The following CTNNA2 variants were observed in gnomAD, a reference collection of about 807,000 sequenced individuals.
CTNNA2 encodes catenin alpha-2.
A neutral mutation model predicts 101.0 loss-of-function variants in CTNNA2; 42 were observed. The observed-to-expected ratio is 0.42, with a 90% CI of 0.32 to 0.54. The LOEUF (loss-of-function observed/expected upper bound fraction) is 0.54, where lower values mean the gene tolerates loss of function less well. Among genes scored for constraint, CTNNA2 ranks in the 20% least tolerant of loss-of-function variants. CTNNA2 has a pLI of 0.14. For synonymous variants in CTNNA2, 450 were observed against 456.4 expected (o/e 0.99, Z 0.18); for missense variants, 871 against 1,223.1 (o/e 0.71, Z 4.29).
chr2:79,855,563 G>A (rs1014163730), intron 3 of CTNNA2, among the ~76,000 whole-genome samples: 4 of 152,132 alleles, frequency 2.6e-5, no homozygotes, highest in Non-Finnish European at 2.9e-5. Flanking sequence ...GATTAGGCAT[G>A]GTTCTTCAAG....
chr2:80,289,166 G>A (rs571252287), intron 7 of CTNNA2: 2 of 152,250 alleles, frequency 1.3e-5, no homozygotes, highest in East Asian at 3.9e-4. Flanking sequence ...CTCAGAGAAG[G>A]AGGACTGGGG....
At chr2:79,697,640 C>T (rs1684729741) in intron 2 of CTNNA2, among the ~76,000 whole-genome samples, 1 of 152,050 alleles carries the variant, frequency 6.6e-6, no homozygotes, top group South Asian at 2.1e-4. Flanking sequence ...GCCTCATTCT[C>T]AAACACATCT....
chr2:80,279,719 T>C (rs1424337799), intron 7 of CTNNA2, among the ~76,000 whole-genome samples: 1 of 152,104 alleles, frequency 6.6e-6, no homozygotes, highest in Non-Finnish European at 1.5e-5. Context: ...TGGTATTACA[T>C]AGAAAGCCTT....
intron 4 of CTNNA2, among the ~76,000 whole-genome samples, chr2:79,445,694 C>G (rs1194967854): frequency 6.6e-6 from 1 of 152,040 alleles, no homozygotes; most frequent in Non-Finnish European, 1.5e-5. Flanking sequence ...TGCTCGTATC[C>G]AGAGTAGCCT....
intron 2 of CTNNA2, among the ~76,000 whole-genome samples, chr2:79,300,729 T>C (rs1260257206): frequency 1.3e-5 from 2 of 152,226 alleles, no homozygotes; most frequent in East Asian, 3.9e-4. Flanking sequence ...ATTTCTCCAC[T>C]AACCACTGTG....
intron 7 of CTNNA2, among the ~76,000 whole-genome samples, chr2:80,173,637 A>G (rs1281547038): frequency 6.6e-6 from 1 of 152,166 alleles, no homozygotes; most frequent in African/African-American, 2.4e-5. Flanking sequence ...AACACGTTTT[A>G]TGGGTTGGCC....
chr2:79,473,958 T>G (rs1172378663), intron 4 of CTNNA2, among the ~76,000 whole-genome samples: 1 of 152,198 alleles, frequency 6.6e-6, no homozygotes, highest in African/African-American at 2.4e-5. Context: ...ATGTGGCTGT[T>G]GAACACTTGA....
At chr2:79,413,174 G>A (rs1349506179) in intron 4 of CTNNA2, among the ~76,000 whole-genome samples, 1 of 151,866 alleles carries the variant, frequency 6.6e-6, no homozygotes, top group Non-Finnish European at 1.5e-5. Context: ...TTTTGCAGGG[G>A]TGGCTGGGGA....
At chr2:80,187,509 A>G (rs1218969860) in intron 7 of CTNNA2, among the ~76,000 whole-genome samples, 5 of 152,228 alleles carry the variant, frequency 3.3e-5, no homozygotes, top group Non-Finnish European at 2.9e-5. Flanking sequence ...CGGCTATTCT[A>G]AATAGGGCCT....
chr2:79,995,854 C>T (rs569455933), intron 7 of CTNNA2, among the ~76,000 whole-genome samples: 9 of 152,132 alleles, frequency 5.9e-5, no homozygotes, highest in African/African-American at 2.2e-4. Flanking sequence ...GTTCTGTATT[C>T]GAACATGGAT....
chr2:79,736,895 A>G (rs946443441), intron 2 of CTNNA2, among the ~76,000 whole-genome samples: 2 of 152,178 alleles, frequency 1.3e-5, no homozygotes, highest in Non-Finnish European at 2.9e-5. Context: ...CAATTTCACC[A>G]TGTTTATATA....
At chr2:80,120,456 T>C (rs946930963) in intron 7 of CTNNA2, among the ~76,000 whole-genome samples, 7 of 152,182 alleles carry the variant, frequency 4.6e-5, no homozygotes, top group Non-Finnish European at 8.8e-5. Flanking sequence ...GATCCTCCTT[T>C]TTCCTTTTAG....
chr2:79,865,158 T>C (rs1681941325), intron 4 of CTNNA2, among the ~76,000 whole-genome samples: 1 of 152,222 alleles, frequency 6.6e-6, no homozygotes, highest in African/African-American at 2.4e-5. Flanking sequence ...ATTCTTTGCT[T>C]CTGATGAAAT....
intron 7 of CTNNA2, among the ~76,000 whole-genome samples, chr2:80,075,888 A>C (rs1698714305): frequency 6.6e-6 from 1 of 151,300 alleles, no homozygotes; most frequent in Admixed American, 6.6e-5. Context: ...AATAGACTTC[A>C]TTGACTATGA....
chr2:79,324,858 T>G (rs1471635704), intron 3 of CTNNA2, among the ~76,000 whole-genome samples: 1 of 152,130 alleles, frequency 6.6e-6, no homozygotes, highest in East Asian at 1.9e-4. Flanking sequence ...GGAGGCAGCA[T>G]GAAGCAAAAC....
At chr2:80,492,516 C>T (rs1244818643) in intron 9 of CTNNA2, among the ~76,000 whole-genome samples, 1 of 152,194 alleles carries the variant, frequency 6.6e-6, no homozygotes, top group Non-Finnish European at 1.5e-5. Flanking sequence ...CTCGAAATGG[C>T]TTTCTGAAAC....
intron 7 of CTNNA2, among the ~76,000 whole-genome samples, chr2:80,219,421 TTC>T: frequency 6.6e-6 from 1 of 152,348 alleles, no homozygotes; most frequent in Middle Eastern, 3.4e-3. Context: ...TTAAAATAAT[TTC>T]TTTTATATAT....
intron 1 of CTNNA2, among the ~76,000 whole-genome samples, chr2:79,643,175 GCAAGGCTCCGT>G (rs1680573729): frequency 2.0e-5 from 3 of 151,994 alleles, no homozygotes; most frequent in Middle Eastern, 6.4e-3. Context: ...TGGCAACAGA[GCAAGGCTCCGT>G]CTCAAAAAAA....
Position 80,555,701 on chromosome 2 carries a change from A to G in CTNNA2, c.1549A>G (p.Ile517Val). 1.3e-6 allele frequency: 2 copies of G among 1,523,112 alleles called. No homozygotes were observed. The highest frequency in any genetic ancestry group is 1.4e-5 in the African/African-American group (1 of 72,090). The allele number at this position is 1,523,112 out of a possible 1,614,324, so 94.3% of individuals were successfully genotyped here. A position where few individuals can be genotyped will look rare whatever the true frequency, so the allele number is the denominator to read the frequency against. Residue 517 changes from isoleucine to valine, a missense_variant, in exon 12 of 19, where the codon ATC (isoleucine) becomes GTC (valine). Around this residue, in one of 5 missense-constraint regions of CTNNA2, gnomAD observed 647 missense variants for 831.5 expected, o/e 0.78. Coordinates refer to ENST00000402739, the MANE Select transcript of CTNNA2 (RefSeq NM_001282597.3). ...ATGTGTCCTCTCCATAGAAAATCACATCTTGGAGGATGTGAACAAGTGTGT... is the reference window on the plus strand; with the variant it reads ...ATGTGTCCTCTCCATAGAAAATCACGTCTTGGAGGATGTGAACAAGTGTGT... ...DDFLSVSENH[I>V]LEDVNKCVIA... is the part of the protein sequence containing the mutation.
Sources: allele counts gnomAD v4.1 joint callset (sites outside exome capture counted in the v4.1 genomes callset), GRCh38; gene constraint gnomAD v4.1.1; regional missense constraint gnomAD v4.1.1; transcripts MANE v1.5; gene names NCBI Gene and HGNC (gene_info 2026-07-23, HGNC 2026-07-21).